The following DHX29 variants were observed in gnomAD, a reference collection of about 807,000 sequenced individuals.
DHX29 encodes ATP-dependent RNA helicase DHX29.
Under a neutral mutation model 167.9 loss-of-function variants are expected in DHX29, and 79 were observed. That is an observed-to-expected ratio of 0.47 (90% CI 0.39 to 0.57). The LOEUF (loss-of-function observed/expected upper bound fraction) is 0.57. Among genes scored for constraint, DHX29 ranks in the 20% least tolerant of loss-of-function variants. DHX29 has a pLI of 0.00. For missense variants in DHX29, 1,347 were observed against 1,593.4 expected, an observed-to-expected ratio of 0.85 and a Z score of 2.63; for synonymous variants, 530 against 546.0, an observed-to-expected ratio of 0.97 and a Z score of 0.41.
Position 55,262,812 on chromosome 5 carries a change from G to A in DHX29, c.3646C>T (p.Leu1216Phe). The part of the protein sequence containing the change: ...QTLSFQEIAL[L>F]KAVLVAGLYD... ...AGTCCAGCCACCAGTACAGCTTTAA[G>A]AAGGGCAATTTCTTGGAATGAGAGG... The change falls in exon 24 of 27, where the codon CTT (leucine) becomes TTT (phenylalanine). Residue 1216 changes from leucine (L) to phenylalanine (F), a missense_variant. Physicochemically the swap from Leu to Phe is conservative, Grantham distance 22. Around this residue, in one of 3 missense-constraint regions of DHX29, gnomAD observed 882 missense variants for 1,082.4 expected, o/e 0.81. Coordinates refer to ENST00000251636, the MANE Select transcript of DHX29 (RefSeq NM_019030.4). 6.2e-7 allele frequency: 1 copy of A among 1,614,068 alleles called. No homozygotes were observed. Among genetic ancestry groups the A allele is most frequent in the South Asian group, 1.1e-5 (1 of 91,084 alleles).
intron 1 of DHX29, among the ~76,000 whole-genome samples, chr5:55,304,661 C>T (rs573216410): frequency 6.6e-6 from 1 of 151,938 alleles, no homozygotes; most frequent in African/African-American, 2.4e-5. Flanking sequence ...CTCTCCCCAC[C>T]CTCCTCCCTA....
intron 11 of DHX29, among the ~76,000 whole-genome samples, chr5:55,281,979 T>G (rs1747448477): frequency 6.6e-6 from 1 of 151,904 alleles, no homozygotes; most frequent in Admixed American, 6.6e-5. Flanking sequence ...AGAGATGAGG[T>G]TTCACCATGT....
chr5:55,267,152 G>C lies in DHX29; in HGVS notation c.3511C>G (p.Leu1171Val), dbSNP rs1048779510. Residue 1171 changes from leucine (L) to valine (V), a missense_variant, in exon 23 of 27, where the codon CTG (leucine) becomes GTG (valine). Coordinates refer to ENST00000251636, the MANE Select transcript of DHX29 (RefSeq NM_019030.4). ...TTAAGAATTACCTCTAGGGTTAACA[G>C]TGATGTTCTATTAAGAAAGTTCCTC... ...CRRNFLNRTS[L>V]LTLEDVKQEL... 6.2e-7 allele frequency: 1 copy of C among 1,609,666 alleles called. No homozygotes were observed. Among genetic ancestry groups the C allele is most frequent in the Non-Finnish European group, 8.5e-7 (1 of 1,176,576 alleles).
intron 1 of DHX29, among the ~76,000 whole-genome samples, chr5:55,301,191 C>CAA (rs2111977574): frequency 6.6e-6 from 1 of 152,262 alleles, no homozygotes; most frequent in Admixed American, 6.5e-5. Flanking sequence ...TTTGAGGACA[C>CAA]AAACATTCAG....
At position 55,269,461 on chromosome 5, in the gene DHX29, A is replaced by T; in HGVS notation, c.3246T>A (p.Ile1082=). ...HLAALPVNVK[I]GKMLIFGAIF... ...TGGCACCAAAAATAAGCATCTTGCCAATCTTGACATTCACAGGTAAAGCTG... is the reference window on the plus strand; with the variant it reads ...TGGCACCAAAAATAAGCATCTTGCCTATCTTGACATTCACAGGTAAAGCTG... The change falls in exon 21 of 27, where the codon ATT becomes ATA. Residue 1082 remains isoleucine, a synonymous_variant. Coordinates refer to ENST00000251636, the MANE Select transcript of DHX29 (RefSeq NM_019030.4). 3 of 1,613,778 alleles carry T rather than the reference A, an allele frequency of 1.9e-6. No individual in the cohort carries two copies. The highest frequency in any genetic ancestry group is 2.5e-6 in the Non-Finnish European group (3 of 1,180,008).
intron 12 of DHX29, chr5:55,279,407 G>A (rs1445777411): frequency 1.3e-5 from 2 of 152,078 alleles, no homozygotes; most frequent in African/African-American, 4.8e-5. Context: ...GTATCTAGAC[G>A]GTAGCTAGAT....
At chr5:55,274,520 G>T in intron 16 of DHX29, 94 bp downstream of exon 16, 1 of 920,234 alleles carries the variant, frequency 1.1e-6, no homozygotes, top group Non-Finnish European at 1.6e-6. Flanking sequence ...AACCCATGGT[G>T]AAAAGACTTT....
intron 15 of DHX29, 43 bp from the exon 16 acceptor site, chr5:55,274,774 AG>A (rs2111845959): frequency 6.4e-7 from 1 of 1,565,760 alleles, no homozygotes; most frequent in Admixed American, 2.0e-5. Flanking sequence ...TAAGAAGATA[AG>A]GAACAGCATA....
chr5:55,259,178 C>A (rs1219715294), intron 26 of DHX29, among the ~76,000 whole-genome samples: 4 of 152,036 alleles, frequency 2.6e-5, no homozygotes, highest in Non-Finnish European at 4.4e-5. Context: ...GCTATGTTAC[C>A]AGTTTACTAA....
Position 55,261,448 on chromosome 5 carries a change from GA to G in DHX29, c.3879del (p.Pro1294GlnfsTer9). On this transcript the variant is annotated frameshift_variant, in exon 25 of 27. Coordinates refer to ENST00000251636, the MANE Select transcript of DHX29 (RefSeq NM_019030.4). LOFTEE classifies it high-confidence loss of function. Reference protein sequence around the residue: ...YLRETTLITPFPVLLFGGDIE... With the variant: ...YLRETTLITPXPVLLFGGDIE... ...ATATCACCACCAAAAAGTAAAACTG[GA>G]AAAGGGGTTATTAGGGTAGTTTCTC... 1 of 1,572,756 alleles carries G rather than the reference GA, an allele frequency of 6.4e-7. No homozygotes were observed. The highest frequency in any genetic ancestry group is 8.7e-7 in the Non-Finnish European group (1 of 1,143,046).
chr5:55,304,764 G>C (rs1006568526), intron 1 of DHX29, among the ~76,000 whole-genome samples: 2 of 152,010 alleles, frequency 1.3e-5, no homozygotes, highest in Non-Finnish European at 2.9e-5. Flanking sequence ...TGGTGATTCT[G>C]AACCTCTACG....
chr5:55,283,119 TG>T, intron 11 of DHX29, 83 bp downstream of exon 11: 1 of 1,449,504 alleles, frequency 6.9e-7, no homozygotes, highest in South Asian at 1.4e-5. Flanking sequence ...AACTCACATA[TG>T]GTACACATTC....
In DHX29 at chr5:55,307,608, G is replaced by C; in HGVS notation, c.-35C>G. 1 of 1,609,706 alleles carries C rather than the reference G, an allele frequency of 6.2e-7. No individual in the cohort carries two copies. The highest frequency in any genetic ancestry group is 8.5e-7 in the Non-Finnish European group (1 of 1,179,412). Reference sequence around the variant, plus strand: ...GTGGCAGAAGATCCTTCGCGGCCCAGGCCCCGACGGTACCACTGCACAGCC... The same window carrying C: ...GTGGCAGAAGATCCTTCGCGGCCCACGCCCCGACGGTACCACTGCACAGCC... On this transcript the variant is annotated 5_prime_UTR_variant, in exon 1 of 27. Coordinates refer to ENST00000251636, the MANE Select transcript of DHX29 (RefSeq NM_019030.4).
intron 1 of DHX29, among the ~76,000 whole-genome samples, chr5:55,303,093 A>G (rs766277120): frequency 2.0e-5 from 3 of 151,772 alleles, no homozygotes; most frequent in Admixed American, 6.6e-5. Context: ...GATTTCCTCA[A>G]AATGACTCAG....
At chr5:55,306,770 T>G (rs1391663880) in intron 1 of DHX29, among the ~76,000 whole-genome samples, 1 of 152,220 alleles carries the variant, frequency 6.6e-6, no homozygotes, top group Admixed American at 6.5e-5. Flanking sequence ...CCGTAATATG[T>G]GGCCTGCTCA....
intron 24 of DHX29, 52 bp from the exon 25 acceptor site, chr5:55,261,551 G>T: frequency 8.7e-7 from 1 of 1,147,272 alleles, no homozygotes. Context: ...AATAGAAGGA[G>T]GTCATTTATC....
intron 11 of DHX29, among the ~76,000 whole-genome samples, chr5:55,282,083 G>A (rs1397552424): frequency 6.6e-6 from 1 of 151,972 alleles, no homozygotes; most frequent in Non-Finnish European, 1.5e-5. Context: ...ACCACACCCA[G>A]CCCCAAAATT....
chr5:55,300,545 T>C (rs576932811), intron 1 of DHX29, among the ~76,000 whole-genome samples: 1 of 152,196 alleles, frequency 6.6e-6, no homozygotes, highest in Admixed American at 6.5e-5. Context: ...TGGTGATGCA[T>C]GCCTGTAATC....
chr5:55,283,798 A>G lies in DHX29; in HGVS notation c.1370T>C (p.Leu457Ser), dbSNP rs757552151. The change falls in exon 11 of 27, where the codon TTA becomes TCA. Residue 457 changes from leucine to serine, a missense_variant. Around this residue, in one of 3 missense-constraint regions of DHX29, gnomAD observed 882 missense variants for 1,082.4 expected, o/e 0.81. Transcript: ENST00000251636. ...RLVKGQSVHQLLPPTYRDVWL... is the reference protein window; with the variant it reads ...RLVKGQSVHQSLPPTYRDVWL... ...AACATCTCGGTAAGTGGGAGGAAGTAACTGATGAACTGACTAAAGGAAAAA... is the reference window on the plus strand; with the variant it reads ...AACATCTCGGTAAGTGGGAGGAAGTGACTGATGAACTGACTAAAGGAAAAA... 4.5e-5 allele frequency: 72 copies of G among 1,588,916 alleles called. No homozygotes were observed. Among genetic ancestry groups the G allele is most frequent in the Non-Finnish European group, 6.1e-5 (72 of 1,170,866 alleles).
Sources: gnomAD v4.1 joint callset for allele counts (sites outside exome capture counted in the v4.1 genomes callset) on GRCh38, gnomAD v4.1.1 for gene constraint, gnomAD v4.1.1 regional missense constraint, MANE v1.5 for transcripts, NCBI Gene and HGNC (gene_info 2026-07-23, HGNC 2026-07-21) for gene names.